Variants in UBQLN4 observed in about 807,000 individuals in gnomAD.
UBQLN4 encodes ubiquilin 4.
Under a neutral mutation model 60.4 loss-of-function variants are expected in UBQLN4, and 11 were observed. The observed-to-expected ratio is 0.18, with a 90% CI of 0.11 to 0.30. UBQLN4 has a LOEUF of 0.30. UBQLN4 is among the 10% of genes least tolerant of loss of function. UBQLN4 has a pLI of 1.00. For synonymous variants in UBQLN4, 258 were observed against 313.1 expected, an observed-to-expected ratio of 0.82 and a Z score of 1.86; for missense variants, 417 against 795.5, an observed-to-expected ratio of 0.52 and a Z score of 5.72.
rs760253282 is a variant in UBQLN4, at chr1:156,048,496, C to T, written c.900+5G>A. ...CCAACCCACTACCCTGGCCCTTGAT[C>T]CCACCTGTTCCCGGGCAGCACTGAA... is the stretch of plus-strand genomic sequence containing the variant. On this transcript the variant is annotated splice_donor_5th_base_variant and intron_variant, in intron 5 of 10. Transcript: ENST00000368309. This position sits in a 1 kb window ranked among gnomAD's most constrained non-coding sequence, Gnocchi z 4.9. 1.1e-5 allele frequency: 17 copies of T among 1,606,758 alleles called. No individual in the cohort carries two copies. Among genetic ancestry groups the T allele is most frequent in the Non-Finnish European group, 1.4e-5 (17 of 1,174,380 alleles).
chr1:156,050,557 T>A lies in UBQLN4; in HGVS notation c.479-4A>T. 6.2e-7 allele frequency: 1 copy of A among 1,605,824 alleles called. No individual in the cohort carries two copies. Among genetic ancestry groups the A allele is most frequent in the Non-Finnish European group, 8.5e-7 (1 of 1,174,944 alleles). ...CCCAGGATGCCCCCAAAGCCAGCTGTGGGAAGGGGGCAGGGTCACAGTCTG... is the reference window on the plus strand; with the variant it reads ...CCCAGGATGCCCCCAAAGCCAGCTGAGGGAAGGGGGCAGGGTCACAGTCTG... On this transcript the variant is annotated splice_region_variant and splice_polypyrimidine_tract_variant and intron_variant, in intron 3 of 10. Transcript: ENST00000368309. The surrounding 1 kb of genome is among the most constrained non-coding windows in gnomAD (Gnocchi z 4.6).
At chr1:156,037,155 TGG>T in intron 10 of UBQLN4, 25 bp from the exon 11 acceptor site, 1 of 1,611,252 alleles carries the variant, frequency 6.2e-7, no homozygotes, top group African/African-American at 1.3e-5. Context: ...CCTTGTGAAG[TGG>T]GCACAGGACC....
intron 10 of UBQLN4, among the ~76,000 whole-genome samples, chr1:156,037,376 A>C (rs1267074368): frequency 5.9e-5 from 9 of 152,086 alleles, no homozygotes; most frequent in Non-Finnish European, 8.8e-5. Context: ...CGGGCGGATC[A>C]CGAGGTCAGA....
At chr1:156,052,392 T>C (rs1399346907) in intron 1 of UBQLN4, among the ~76,000 whole-genome samples, 3 of 152,238 alleles carry the variant, frequency 2.0e-5, no homozygotes, top group Admixed American at 6.5e-5. Context: ...AGAGGTGCGA[T>C]CTTGGCTCAC....
intron 2 of UBQLN4, 97 bp from the exon 3 acceptor site, chr1:156,051,424 C>T (rs1446449563): frequency 1.3e-5 from 19 of 1,435,388 alleles, no homozygotes; most frequent in South Asian, 7.4e-5. Context: ...ACTATTTTAA[C>T]CCAAGACCCC....
At position 156,043,955 on chromosome 1, in the gene UBQLN4, T is replaced by C. The variant is rs1683632933; in HGVS notation, c.1126+43A>G. ...CCATTCAGTCCTGGGACAGAGGGGC[T>C]GCCCTGGTGACCCCACTAAGCTCCT... is the stretch of plus-strand genomic sequence containing the variant. On this transcript the variant is annotated intron_variant, in intron 6 of 10. Transcript: ENST00000368309. 6 of 1,597,390 alleles carry C rather than the reference T, an allele frequency of 3.8e-6. No homozygotes were observed. The East Asian group carries it at 1.3e-4, about 36-fold the overall frequency.
chr1:156,031,927 T>C (rs1415487658), downstream of UBQLN4, among the ~76,000 whole-genome samples: 3 of 149,520 alleles, frequency 2.0e-5, no homozygotes, highest in African/African-American at 7.5e-5. Context: ...GACATATATA[T>C]ATATACTCAT....
At chr1:156,044,892 C>T (rs767766012) in intron 5 of UBQLN4, among the ~76,000 whole-genome samples, 4 of 152,206 alleles carry the variant, frequency 2.6e-5, no homozygotes, top group African/African-American at 9.7e-5. Flanking sequence ...CCTACCTCTA[C>T]ACACTGGCTA....
At position 156,050,240 on chromosome 1, in the gene UBQLN4, G is replaced by A. The variant is rs367857017; in HGVS notation, c.741+51C>T. 258 of 1,515,966 alleles carry A rather than the reference G, an allele frequency of 1.7e-4. No homozygotes were observed. Among genetic ancestry groups the A allele is most frequent in the Admixed American group, 3.6e-4 (17 of 46,882 alleles). 93.9% of individuals were successfully genotyped at this position (1,515,966 alleles called of 1,614,324 possible). A position where few individuals can be genotyped will look rare whatever the true frequency, so the allele number is the denominator to read the frequency against. On this transcript the variant is annotated intron_variant, in intron 4 of 10. Coordinates refer to ENST00000368309, the MANE Select transcript of UBQLN4 (RefSeq NM_020131.5). The surrounding 1 kb of genome is among the most constrained non-coding windows in gnomAD (Gnocchi z 4.6). ...GGACAAAGTAGGAAAGGCTGGGCAGGGCACGGCTGGGCACCAGTGTCCTCC... is the reference window on the plus strand; with the variant it reads ...GGACAAAGTAGGAAAGGCTGGGCAGAGCACGGCTGGGCACCAGTGTCCTCC...
At position 156,050,636 on chromosome 1, in the gene UBQLN4, AC is replaced by A. The variant is rs1431530626; in HGVS notation, c.479-84del. 1 of 1,484,684 alleles carries A rather than the reference AC, an allele frequency of 6.7e-7. No individual in the cohort carries two copies. Among genetic ancestry groups the A allele is most frequent in the Non-Finnish European group, 9.0e-7 (1 of 1,114,670 alleles). The allele number at this position is 1,484,684 out of a possible 1,614,324, so 92.0% of individuals were successfully genotyped here. A position where few individuals can be genotyped will look rare whatever the true frequency, so the allele number is the denominator to read the frequency against. On this transcript the variant is annotated intron_variant, in intron 3 of 10. Coordinates refer to ENST00000368309, the MANE Select transcript of UBQLN4 (RefSeq NM_020131.5). The surrounding 1 kb of genome is among the most constrained non-coding windows in gnomAD (Gnocchi z 4.6). ...GAGCCACTGAATTCAGATCTCCAGGACACGCCCCAAATGCTTCTCACATGTC... is the reference window on the plus strand; with the variant it reads ...GAGCCACTGAATTCAGATCTCCAGGAACGCCCCAAATGCTTCTCACATGTC...
chr1:156,051,968 G>A, intron 1 of UBQLN4, 111 bp from the exon 2 acceptor site: 1 of 1,382,506 alleles, frequency 7.2e-7, no homozygotes, highest in Non-Finnish European at 9.9e-7. Context: ...CTCTAGTCAT[G>A]GGAAGTCCTT....
At position 156,048,416 on chromosome 1, in the gene UBQLN4, A is replaced by G. The variant is rs1572278807; in HGVS notation, c.900+85T>C. On this transcript the variant is annotated intron_variant, in intron 5 of 10. Transcript: ENST00000368309. This position sits in a 1 kb window ranked among gnomAD's most constrained non-coding sequence, Gnocchi z 4.9. Reference sequence around the variant, plus strand: ...CCTCAGGGGACTGGGGAAAGAAAGAAGAGCAGGCCCAGGTTTGCCTGGGGT... The same window carrying G: ...CCTCAGGGGACTGGGGAAAGAAAGAGGAGCAGGCCCAGGTTTGCCTGGGGT... 6.8e-7 allele frequency: 1 copy of G among 1,471,964 alleles called. No individual in the cohort carries two copies. The highest frequency in any genetic ancestry group is 2.4e-5 in the East Asian group (1 of 41,056). The allele number at this position is 1,471,964 out of a possible 1,614,324, so 91.2% of individuals were successfully genotyped here.
At chr1:156,047,746 T>A (rs1683750254) in intron 5 of UBQLN4, among the ~76,000 whole-genome samples, 1 of 150,544 alleles carries the variant, frequency 6.6e-6, no homozygotes. Context: ...ATATAAAAAG[T>A]TAGCCGGGCG....
chr1:156,051,162 C>G lies in UBQLN4; in HGVS notation c.426G>C (p.Gly142=). Residue 142 remains glycine (G), a synonymous_variant, in exon 3 of 11, where the codon GGG becomes GGC. Transcript: ENST00000368309. ...ATCCCTCCCCAGCCCCCGGAGAGGG[C>G]CCCCCACCACTGCTCCTCCGGCTTC... The part of the protein sequence containing the change: ...GSGSRRSSGG[G]PSPGAGEGSP... 1 of 1,611,144 alleles carries G rather than the reference C, an allele frequency of 6.2e-7. No homozygotes were observed. The highest frequency in any genetic ancestry group is 8.5e-7 in the Non-Finnish European group (1 of 1,178,636).
chr1:156,042,413 C>G (rs1026725181), intron 7 of UBQLN4, 177 bp from the exon 8 acceptor site: 2 of 1,418,788 alleles, frequency 1.4e-6, no homozygotes, highest in Non-Finnish European at 1.8e-6. Flanking sequence ...GAACTATGCT[C>G]TGGGTAATGA....
rs1683606258 is a variant in UBQLN4 at position 156,042,918 on chromosome 1, G to C, written c.1127-5C>G. 6.2e-7 allele frequency: 1 copy of C among 1,613,242 alleles called. No homozygotes were observed. Among genetic ancestry groups the C allele is most frequent in the South Asian group, 1.1e-5 (1 of 91,040 alleles). The stretch of plus-strand genomic sequence containing the variant: ...TTTCTGGGCTATTGAACATCCCTAG[G>C]ACAAGGCGGAAAAAAAGAAAACAGG... On this transcript the variant is annotated splice_polypyrimidine_tract_variant and splice_region_variant and intron_variant, in intron 6 of 10. Coordinates refer to ENST00000368309, the MANE Select transcript of UBQLN4 (RefSeq NM_020131.5).
Position 156,053,731 on chromosome 1 carries a change from C to G in UBQLN4, c.-30G>C. The G allele has an allele frequency of 1.6e-6, 2 of 1,231,336 alleles. No homozygotes were observed. The highest frequency in any genetic ancestry group is 2.1e-6 in the Non-Finnish European group (2 of 972,662). 76.3% of individuals were successfully genotyped at this position (1,231,336 alleles called of 1,614,324 possible). On this transcript the variant is annotated 5_prime_UTR_variant, in exon 1 of 11. Transcript: ENST00000368309. ...CCGCCGCCACCCGGCCGCCCGCCAG[C>G]CCGCCCGGCTCCTCCTCCTCCCCGC...
intron 10 of UBQLN4, among the ~76,000 whole-genome samples, chr1:156,037,427 C>G (rs570200211): frequency 7.2e-5 from 11 of 152,108 alleles, no homozygotes; most frequent in Non-Finnish European, 1.6e-4. Flanking sequence ...AACCCCATCT[C>G]TACTAAAAAT....
chr1:156,037,044 G>C lies in UBQLN4; in HGVS notation c.1740C>G (p.Ala580=), dbSNP rs1683422278. Residue 580 remains alanine (A), a synonymous_variant, in exon 11 of 11, where the codon GCC becomes GCG. Transcript: ENST00000368309. ...TGATGTCCCCTCCTGTGGCAATCAG[G>C]GCCTGCAGGTTAGCCTCACGATTGA... ...GFINREANLQ[A]LIATGGDINA... is the part of the protein sequence containing the mutation. The C allele has an allele frequency of 1.2e-6, 2 of 1,614,092 alleles. No homozygotes were observed. Among genetic ancestry groups the C allele is most frequent in the Admixed American group, 1.7e-5 (1 of 59,998 alleles).
Sources: gnomAD v4.1 joint callset for allele counts (sites outside exome capture counted in the v4.1 genomes callset) on GRCh38, gnomAD v4.1.1 for gene constraint, Gnocchi (gnomAD v3.1) non-coding constraint, MANE v1.5 for transcripts, NCBI Gene and HGNC (gene_info 2026-07-23, HGNC 2026-07-21) for gene names.